NRG2: variants seen among roughly 807,000 people sequenced by gnomAD.
NRG2 encodes neuregulin 2.
Under a neutral mutation model 73.9 loss-of-function variants are expected in NRG2, and 27 were observed. The ratio of observed to expected loss-of-function variants is 0.37; its 90% CI spans 0.27 to 0.50. NRG2 has a LOEUF of 0.50. Among genes scored for constraint, NRG2 ranks in the 20% least tolerant of loss-of-function variants. The pLI is 0.96. For missense variants in NRG2, 1,126 were observed against 1,210.1 expected (o/e 0.93, Z 1.03); for synonymous variants, 532 against 541.0 (o/e 0.98, Z 0.23).
chr5:139,935,497 C>A (rs1387729509), intron 1 of NRG2, among the ~76,000 whole-genome samples: 2 of 152,102 alleles, frequency 1.3e-5, no homozygotes, highest in African/African-American at 4.8e-5. Context: ...CTAAAAGATT[C>A]AAATCATACA....
chr5:140,028,765 T>C (rs886318089), intron 1 of NRG2, among the ~76,000 whole-genome samples: 9 of 152,124 alleles, frequency 5.9e-5, no homozygotes, highest in African/African-American at 1.9e-4. Flanking sequence ...GTAATTCTCC[T>C]CCCCTTGAAT....
Position 139,917,974 on chromosome 5 carries a change from T to C in NRG2, c.701-30463A>G, listed in dbSNP as rs181159042. Among the ~76,000 whole-genome samples, 3 of 152,364 alleles carry C rather than the reference T, an allele frequency of 2.0e-5. No homozygotes were observed. In the East Asian group the frequency reaches 5.8e-4, roughly 29 times the overall value. On this transcript the variant is annotated intron_variant, in intron 1 of 9. Transcript: ENST00000361474. ...TCTTAGAAACTATTACCTAATTGAA[T>C]GTCACAAAGATTTATGCCTATTTTT...
intron 1 of NRG2, among the ~76,000 whole-genome samples, chr5:139,938,869 AG>A (rs1753059118): frequency 1.8e-5 from 2 of 109,950 alleles, no homozygotes; most frequent in African/African-American, 4.4e-5. Flanking sequence ...AGAGAGAGAG[AG>A]AGAGAGAGAG....
rs747404546 is a variant in NRG2, at chr5:139,855,641, T to G, written c.1292+35A>C. The G allele has an allele frequency of 2.6e-6, 4 of 1,567,406 alleles. No homozygotes were observed. In the South Asian group the frequency reaches 3.3e-5, roughly 13 times the overall value. On this transcript the variant is annotated intron_variant, in intron 6 of 9. Transcript: ENST00000361474. ...CATTCTTGGAGGCCCATCCCTTGGC[T>G]TGGCCTGTCCCCAGCTTGAGTGACT... is the stretch of plus-strand genomic sequence containing the variant.
Position 139,868,767 on chromosome 5 carries a change from G to T in NRG2, c.1112+2954C>A, listed in dbSNP as rs1466267304. On this transcript the variant is annotated intron_variant, in intron 4 of 9. Coordinates refer to ENST00000361474, the MANE Select transcript of NRG2 (RefSeq NM_004883.3). The surrounding 1 kb of genome is among the most constrained non-coding windows in gnomAD (Gnocchi z 4.2). ...CGGTGTGCCCCGGGCACTGGAGGGA[G>T]TGAAGGGCCTCTGAGTTCATGAGAG... Among the ~76,000 whole-genome samples the T allele has an allele frequency of 6.6e-6, 1 of 152,130 alleles. No individual in the cohort carries two copies. Among genetic ancestry groups the T allele is most frequent in the African/African-American group, 2.4e-5 (1 of 41,420 alleles).
chr5:139,954,212 T>C lies in NRG2; in HGVS notation c.701-66701A>G, dbSNP rs1754446831. Among the ~76,000 whole-genome samples, 1 of 151,934 alleles carries C rather than the reference T, an allele frequency of 6.6e-6. No homozygotes were observed. The highest frequency in any genetic ancestry group is 6.6e-5 in the Admixed American group (1 of 15,236). Reference sequence around the variant, plus strand: ...AGCAAAAGTGACCGTGGAGGAGAAATCCAGCCCAACCCAGGTCACGGTCAC... The same window carrying C: ...AGCAAAAGTGACCGTGGAGGAGAAACCCAGCCCAACCCAGGTCACGGTCAC... On this transcript the variant is annotated intron_variant, in intron 1 of 9. Coordinates refer to ENST00000361474, the MANE Select transcript of NRG2 (RefSeq NM_004883.3). The surrounding 1 kb of genome is among the most constrained non-coding windows in gnomAD (Gnocchi z 5.0).
At chr5:140,025,546 T>A (rs767226968) in intron 1 of NRG2, among the ~76,000 whole-genome samples, 1 of 152,242 alleles carries the variant, frequency 6.6e-6, no homozygotes, top group Non-Finnish European at 1.5e-5. Flanking sequence ...TCTTGAATAA[T>A]CTTTTCAAGG....
chr5:139,944,951 G>A lies in NRG2; in HGVS notation c.701-57440C>T, dbSNP rs151224964. Among the ~76,000 whole-genome samples, 539 of 152,252 alleles carry A rather than the reference G, an allele frequency of 3.5e-3. 3 individuals carry two copies. Among genetic ancestry groups the A allele is most frequent in the African/African-American group, 0.012 (510 of 41,544 alleles). ...CTTTTTGATTATAGCCATCCTAACT[G>A]GGGTGAGATGATACCTCATTGTGGT... On this transcript the variant is annotated intron_variant, in intron 1 of 9. Transcript: ENST00000361474.
intron 2 of NRG2, among the ~76,000 whole-genome samples, chr5:139,884,083 G>A (rs769466634): frequency 9.9e-5 from 15 of 152,194 alleles, no homozygotes; most frequent in East Asian, 5.8e-4. Flanking sequence ...CAAGATTCTC[G>A]TCAGTTCAGC....
Position 139,852,710 on chromosome 5 carries a change from C to T in NRG2, c.1417-151G>A. 1 of 1,420,806 alleles carries T rather than the reference C, an allele frequency of 7.0e-7. No homozygotes were observed. Among genetic ancestry groups the T allele is most frequent in the Non-Finnish European group, 9.6e-7 (1 of 1,040,720 alleles). The allele number at this position is 1,420,806 out of a possible 1,614,324, so 88.0% of individuals were successfully genotyped here. On this transcript the variant is annotated intron_variant, in intron 7 of 9. Transcript: ENST00000361474. The surrounding 1 kb of genome is among the most constrained non-coding windows in gnomAD (Gnocchi z 4.4). ...ACTTGATGTTGGGGCAGCGATGGCT[C>T]CAGCAAATCAACCCCCACCCCTTCC...
At position 139,864,830 on chromosome 5, in the gene NRG2, G is replaced by T. The variant is rs144099707; in HGVS notation, c.1189+719C>A. 3.4e-4 allele frequency among the ~76,000 whole-genome samples: 52 copies of T among 152,226 alleles called. No homozygotes were observed. In the East Asian group the frequency reaches 9.1e-3, roughly 27 times the overall value. On this transcript the variant is annotated intron_variant, in intron 5 of 9. Transcript: ENST00000361474. ...CAGGCAGCCTTCGGAGCAGGGGAGGGCTCTGCAAATGCTTCCTCCCATTCT... is the reference window on the plus strand; with the variant it reads ...CAGGCAGCCTTCGGAGCAGGGGAGGTCTCTGCAAATGCTTCCTCCCATTCT...
intron 2 of NRG2, among the ~76,000 whole-genome samples, chr5:139,882,268 G>C (rs1763571615): frequency 6.6e-6 from 1 of 152,086 alleles, no homozygotes. Context: ...GGGTCAAGGA[G>C]ACGCAAACTG....
intron 2 of NRG2, among the ~76,000 whole-genome samples, chr5:139,886,208 T>C (rs571159595): frequency 1.4e-4 from 21 of 152,332 alleles, no homozygotes; most frequent in African/African-American, 4.8e-4. Flanking sequence ...GTTTTACTTC[T>C]GCTCCCCATT....
At chr5:139,973,822 A>G (rs966578784) in intron 1 of NRG2, among the ~76,000 whole-genome samples, 7 of 152,200 alleles carry the variant, frequency 4.6e-5, no homozygotes, top group African/African-American at 1.7e-4. Flanking sequence ...TTGCCCTCAC[A>G]ACGCGGCCTC....
chr5:139,991,925 G>A (rs1757661101), intron 1 of NRG2, among the ~76,000 whole-genome samples: 1 of 151,982 alleles, frequency 6.6e-6, no homozygotes, highest in Non-Finnish European at 1.5e-5. Flanking sequence ...GTTTTTCCTT[G>A]TGCCAAAACC....
intron 1 of NRG2, among the ~76,000 whole-genome samples, chr5:139,916,540 C>T (rs1751268002): frequency 1.3e-5 from 2 of 152,254 alleles, no homozygotes; most frequent in Non-Finnish European, 2.9e-5. Flanking sequence ...TACTCTTTAG[C>T]ACCCCCTCCC....
intron 1 of NRG2, among the ~76,000 whole-genome samples, chr5:140,003,804 C>T (rs938772747): frequency 3.9e-5 from 6 of 152,138 alleles, no homozygotes; most frequent in African/African-American, 1.4e-4. Context: ...ACAGCAAGAC[C>T]AGTTGTTCAA....
intron 1 of NRG2, among the ~76,000 whole-genome samples, chr5:139,890,535 C>T (rs1410358201): frequency 7.3e-6 from 1 of 136,462 alleles, no homozygotes; most frequent in Non-Finnish European, 1.5e-5. Context: ...ATCTGTTGGA[C>T]TTTTTGGAAC....
rs1012169270 is a variant in NRG2 at position 139,975,420 on chromosome 5, C to T, written c.700+66950G>A. Among the ~76,000 whole-genome samples the T allele has an allele frequency of 9.2e-5, 14 of 152,312 alleles. 1 individual carries two copies. The East Asian group carries it at 2.5e-3, about 27-fold the overall frequency. On this transcript the variant is annotated intron_variant, in intron 1 of 9. Transcript: ENST00000361474. ...CTAGTCTGCCACCCTTACCCCAGTC[C>T]TACTTTCAAGGAAGGAGTAGCCTCA...
Sources: allele counts gnomAD v4.1 joint callset (sites outside exome capture counted in the v4.1 genomes callset), GRCh38; gene constraint gnomAD v4.1.1; non-coding constraint Gnocchi (gnomAD v3.1); transcripts MANE v1.5; gene names NCBI Gene and HGNC (gene_info 2026-07-23, HGNC 2026-07-21).